The following PCDHA7 variants were observed in gnomAD, a reference collection of about 807,000 sequenced individuals.
The protein encoded by PCDHA7 is protocadherin alpha-7.
A neutral mutation model predicts 57.2 loss-of-function variants in PCDHA7; 37 were observed. The ratio of observed to expected loss-of-function variants is 0.65; its 90% CI spans 0.50 to 0.85. The LOEUF (loss-of-function observed/expected upper bound fraction) is 0.85. Ranked by LOEUF, PCDHA7 falls within the 40% of genes least tolerant of loss-of-function variation. The pLI is 0.00. For missense variants in PCDHA7, 1,188 were observed against 1,241.8 expected, an observed-to-expected ratio of 0.96 and a Z score of 0.65; for synonymous variants, 553 against 558.8, an observed-to-expected ratio of 0.99 and a Z score of 0.15.
intron 1 of PCDHA7, chr5:140,853,038 C>T (rs2150527746): frequency 3.8e-6 from 1 of 265,006 alleles, no homozygotes; most frequent in African/African-American, 2.3e-5. Flanking sequence ...GCCACCATGC[C>T]CGCCTAATTT....
chr5:140,909,234 A>G (rs782659410), intron 1 of PCDHA7, among the ~76,000 whole-genome samples: 12 of 152,220 alleles, frequency 7.9e-5, no homozygotes, highest in Non-Finnish European at 1.3e-4. Context: ...GTAGGATGGT[A>G]AAGATATATT....
intron 1 of PCDHA7, chr5:140,848,738 T>G (rs2150419097): frequency 6.3e-7 from 1 of 1,592,918 alleles, no homozygotes; most frequent in South Asian, 1.1e-5. Context: ...ATCTGCAGAA[T>G]GGCATTTTGT....
intron 1 of PCDHA7, chr5:140,842,947 G>A: frequency 6.3e-7 from 1 of 1,594,658 alleles, no homozygotes; most frequent in Non-Finnish European, 8.6e-7. Flanking sequence ...ACGCGGGCGT[G>A]CCGCCTCTGG....
intron 1 of PCDHA7, chr5:140,884,079 A>G (rs2059982825): frequency 5.6e-6 from 9 of 1,613,504 alleles, no homozygotes; most frequent in South Asian, 3.3e-5. Context: ...TCGGGCTACA[A>G]TGCGTGGCTT....
Position 140,836,692 on chromosome 5 carries a change from T to C in PCDHA7, c.2309T>C (p.Met770Thr), listed in dbSNP as rs1554136233. ...GAGGGCCCACCCAAGACAGACCTCA[T>C]GGCCTTCAGTCCCAGCCTTCCTCAG... is the stretch of plus-strand genomic sequence containing the variant. ...SGEGPPKTDL[M>T]AFSPSLPQGP... Residue 770 changes from methionine to threonine, a missense_variant, in exon 1 of 4, where the codon ATG becomes ACG. Physicochemically the swap from Met to Thr is moderately conservative, Grantham distance 81 (BLOSUM62 -1). This residue lies in a region of PCDHA7 where 892 missense variants were observed against 788.5 expected (regional missense o/e 1.13). Coordinates refer to ENST00000525929, the MANE Select transcript of PCDHA7 (RefSeq NM_018910.3). 1.9e-6 allele frequency: 3 copies of C among 1,613,418 alleles called. No homozygotes were observed. The highest frequency in any genetic ancestry group is 2.5e-6 in the Non-Finnish European group (3 of 1,179,584).
intron 1 of PCDHA7, among the ~76,000 whole-genome samples, chr5:140,914,080 T>G (rs2076596374): frequency 6.6e-6 from 1 of 152,222 alleles, no homozygotes; most frequent in African/African-American, 2.4e-5. Flanking sequence ...TAACTATCTA[T>G]TAGGTCAATT....
intron 1 of PCDHA7, chr5:140,884,631 A>G: frequency 2.5e-6 from 4 of 1,612,580 alleles, no homozygotes; most frequent in Non-Finnish European, 3.4e-6. Flanking sequence ...GGAACAGGCC[A>G]GAGGGAGGAG....
At chr5:140,888,159 C>T (rs1468895090) in intron 1 of PCDHA7, among the ~76,000 whole-genome samples, 1 of 152,080 alleles carries the variant, frequency 6.6e-6, no homozygotes, top group Non-Finnish European at 1.5e-5. Flanking sequence ...GACTGGTAAT[C>T]TCTAATAAGA....
intron 1 of PCDHA7, chr5:140,883,813 C>CA (rs2059834466): frequency 6.2e-7 from 1 of 1,612,382 alleles, no homozygotes; most frequent in Non-Finnish European, 8.5e-7. Context: ...CGGAGAGCGG[C>CA]AAGGTGTACG....
intron 1 of PCDHA7, chr5:140,843,832 T>C (rs1176599211): frequency 8.9e-7 from 1 of 1,120,192 alleles, no homozygotes; most frequent in Non-Finnish European, 1.3e-6. Flanking sequence ...AAACATTGTT[T>C]AGTTTTTAGA....
Position 140,842,613 on chromosome 5 carries a change from G to T in PCDHA7, c.2355+5875G>T, listed in dbSNP as rs782736515. On this transcript the variant is annotated intron_variant, in intron 1 of 3. Transcript: ENST00000525929. ...TTGGTGGTAACCGCGCGGGACGGGG[G>T]CTCGCCTTCGCTGTGGGCCACCGCC... 3.1e-6 allele frequency: 5 copies of T among 1,595,814 alleles called. 1 individual carries two copies. The highest frequency in any genetic ancestry group is 4.3e-6 in the Non-Finnish European group (5 of 1,165,648).
At chr5:140,936,351 T>C (rs2090932385) in intron 1 of PCDHA7, among the ~76,000 whole-genome samples, 1 of 152,246 alleles carries the variant, frequency 6.6e-6, no homozygotes, top group African/African-American at 2.4e-5. Flanking sequence ...ATATATGGAA[T>C]GTGTAGCTAC....
chr5:140,991,433 T>G (rs1441155854), intron 3 of PCDHA7, among the ~76,000 whole-genome samples: 1 of 152,194 alleles, frequency 6.6e-6, no homozygotes, highest in Non-Finnish European at 1.5e-5. Context: ...AACCATAAAC[T>G]TCATGGCTTA....
In PCDHA7 at chr5:140,967,001, A is replaced by T. The variant is rs1048933252; in HGVS notation, c.2356-11948A>T. The T allele has an allele frequency of 3.1e-6, 5 of 1,605,060 alleles. No homozygotes were observed. The South Asian group carries it at 5.5e-5, about 18-fold the overall frequency. The stretch of plus-strand genomic sequence containing the variant: ...GCGCTTGGGGCCGGGTTGCTTGCGC[A>T]TCAACCATCTGGGTGCGCCCAGTCC... On this transcript the variant is annotated intron_variant, in intron 1 of 3. Transcript: ENST00000525929.
rs782552456 is a variant in PCDHA7, at chr5:140,870,511, G to T, written c.2355+33773G>T. On this transcript the variant is annotated intron_variant, in intron 1 of 3. Transcript: ENST00000525929. ...GTTCGTGAAGGAGAACAACCCACCA[G>T]GCTGCCACATCTTCACAGTGTCGGC... 9.9e-6 allele frequency: 16 copies of T among 1,614,242 alleles called. No homozygotes were observed. The highest frequency in any genetic ancestry group is 1.3e-5 in the Non-Finnish European group (15 of 1,180,048).
intron 1 of PCDHA7, chr5:140,966,327 C>A (rs1381846026): frequency 5.1e-6 from 2 of 392,388 alleles, no homozygotes; most frequent in East Asian, 3.6e-5. Flanking sequence ...CCGCTGGGAT[C>A]CGGCAGGTCC....
intron 1 of PCDHA7, among the ~76,000 whole-genome samples, chr5:140,959,643 G>A (rs246006): frequency 0.56 from 85,684 of 152,026 alleles, 24,754 homozygotes; most frequent in African/African-American, 0.69. Flanking sequence ...AAAAAACACA[G>A]AAGCAAAATT....
At chr5:140,941,185 CTTTT>C (rs782102770) in intron 1 of PCDHA7, among the ~76,000 whole-genome samples, 59 of 102,236 alleles carry the variant, frequency 5.8e-4, no homozygotes, top group South Asian at 3.1e-3. Context: ...CATCCTGCTT[CTTTT>C]TTTTTCTTTC....
In PCDHA7 at chr5:140,850,628, G is replaced by A. The variant is rs2150491387; in HGVS notation, c.2355+13890G>A. The stretch of plus-strand genomic sequence containing the variant: ...CCATCTGCGCGGTGTCTAGCCTGTT[G>A]GTTCTCACGCTGCTGCTGTACACTG... On this transcript the variant is annotated intron_variant, in intron 1 of 3. Coordinates refer to ENST00000525929, the MANE Select transcript of PCDHA7 (RefSeq NM_018910.3). 2.4e-5 allele frequency: 38 copies of A among 1,598,590 alleles called. 4 individuals carry two copies. In the Middle Eastern group the frequency reaches 1.3e-3, roughly 56 times the overall value.
Sources: allele counts gnomAD v4.1 joint callset (sites outside exome capture counted in the v4.1 genomes callset), GRCh38; gene constraint gnomAD v4.1.1; regional missense constraint gnomAD v4.1.1; transcripts MANE v1.5; gene names NCBI Gene and HGNC (gene_info 2026-07-23, HGNC 2026-07-21).